ZHX3: variants seen among roughly 807,000 people sequenced by gnomAD.
ZHX3 encodes zinc fingers and homeoboxes 3, also known as zinc fingers and homeoboxes protein 3.
Under a neutral mutation model 64.5 loss-of-function variants are expected in ZHX3, and 20 were observed. The ratio of observed to expected loss-of-function variants is 0.31; its 90% CI spans 0.22 to 0.45. The LOEUF (loss-of-function observed/expected upper bound fraction) is 0.45. ZHX3 is among the 20% of genes least tolerant of loss of function. The pLI is 1.00. For synonymous variants in ZHX3, 423 were observed against 461.6 expected, an observed-to-expected ratio of 0.92 and a Z score of 1.07; for missense variants, 1,041 against 1,195.8, an observed-to-expected ratio of 0.87 and a Z score of 1.91.
intron 1 of ZHX3, among the ~76,000 whole-genome samples, chr20:41,270,480 C>T (rs2043085670): frequency 6.6e-6 from 1 of 151,818 alleles, no homozygotes; most frequent in Non-Finnish European, 1.5e-5. Context: ...GCGAGACCAT[C>T]CTGGCTAACA....
chr20:41,190,005 G>GTT (rs549779026), intron 3 of ZHX3, among the ~76,000 whole-genome samples: 83 of 147,742 alleles, frequency 5.6e-4, no homozygotes, highest in Middle Eastern at 6.9e-3. Flanking sequence ...TTTTCTGAGT[G>GTT]TTTTTTTTTT....
chr20:41,293,674 G>A (rs1390576810), intron 1 of ZHX3, among the ~76,000 whole-genome samples: 1 of 152,198 alleles, frequency 6.6e-6, no homozygotes, highest in African/African-American at 2.4e-5. Context: ...CACACAGTTT[G>A]GTGAGAAACA....
At chr20:41,265,204 T>G (rs1238145876) in intron 2 of ZHX3, among the ~76,000 whole-genome samples, 1 of 131,150 alleles carries the variant, frequency 7.6e-6, no homozygotes, top group African/African-American at 2.7e-5. Context: ...ACGATAAATT[T>G]TTTTTTTTTT....
chr20:41,187,507 T>G (rs1306647702), intron 3 of ZHX3, among the ~76,000 whole-genome samples: 1 of 152,184 alleles, frequency 6.6e-6, no homozygotes, highest in East Asian at 1.9e-4. Flanking sequence ...ATATCCAGTT[T>G]CCCAGCACCT....
chr20:41,185,052 C>T lies in ZHX3; in HGVS notation c.*139G>A, dbSNP rs755558236. On this transcript the variant is annotated 3_prime_UTR_variant, in exon 4 of 4. Coordinates refer to ENST00000683867, the MANE Select transcript of ZHX3 (RefSeq NM_001384317.1). This position sits in a 1 kb window ranked among gnomAD's most constrained non-coding sequence, Gnocchi z 5.0. ...GTAGCGGCAGGCTCTGGGCTGTCTG[C>T]GAGGATTCTGGAAGCTCTCCCAGGT... 41 of 1,552,268 alleles carry T rather than the reference C, an allele frequency of 2.6e-5. No homozygotes were observed. The highest frequency in any genetic ancestry group is 4.1e-5 in the African/African-American group (3 of 73,102).
At chr20:41,265,889 A>G (rs1294311212) in intron 2 of ZHX3, among the ~76,000 whole-genome samples, 1 of 152,236 alleles carries the variant, frequency 6.6e-6, no homozygotes, top group Admixed American at 6.5e-5. Flanking sequence ...CTCCTGTACA[A>G]ATGTCTCTAG....
chr20:41,211,191 A>C (rs867790875), intron 2 of ZHX3, among the ~76,000 whole-genome samples: 6 of 152,174 alleles, frequency 3.9e-5, no homozygotes, highest in Admixed American at 6.5e-5. Flanking sequence ...GAGCCCTATT[A>C]CTAATATAGA....
At chr20:41,254,241 T>A (rs2042126849) in intron 2 of ZHX3, among the ~76,000 whole-genome samples, 1 of 152,198 alleles carries the variant, frequency 6.6e-6, no homozygotes, top group African/African-American at 2.4e-5. Context: ...GTTATTCATC[T>A]ATTTGCTTAT....
At chr20:41,283,822 C>T (rs1490673805) in intron 1 of ZHX3, among the ~76,000 whole-genome samples, 1 of 152,094 alleles carries the variant, frequency 6.6e-6, no homozygotes. Context: ...GGATCACACT[C>T]TCCAGTCTCC....
chr20:41,244,646 C>T (rs896161294), intron 2 of ZHX3, among the ~76,000 whole-genome samples: 3 of 152,276 alleles, frequency 2.0e-5, no homozygotes, highest in African/African-American at 7.2e-5. Flanking sequence ...TCTAGACCCA[C>T]GCAGCTTGGA....
At chr20:41,191,832 T>A (rs533165809) in intron 3 of ZHX3, among the ~76,000 whole-genome samples, 75 of 152,260 alleles carry the variant, frequency 4.9e-4, no homozygotes, top group East Asian at 4.8e-3. Context: ...TATGGTAAAA[T>A]TTTGCTAAGG....
intron 1 of ZHX3, among the ~76,000 whole-genome samples, chr20:41,304,492 T>C (rs2044916306): frequency 1.3e-5 from 2 of 152,222 alleles, no homozygotes; most frequent in Admixed American, 1.3e-4. Context: ...ATTCCTCTTC[T>C]TACTGCATCC....
intron 2 of ZHX3, among the ~76,000 whole-genome samples, chr20:41,205,366 G>A (rs1169686923): frequency 1.3e-5 from 2 of 152,080 alleles, no homozygotes; most frequent in Non-Finnish European, 1.5e-5. Flanking sequence ...AAAACAAAAC[G>A]CCCTCTTTTT....
At chr20:41,213,356 T>A (rs2039299286) in intron 2 of ZHX3, among the ~76,000 whole-genome samples, 1 of 152,134 alleles carries the variant, frequency 6.6e-6, no homozygotes, top group Non-Finnish European at 1.5e-5. Context: ...ATTATAGCAC[T>A]CAGTTCTATA....
At chr20:41,187,941 G>A (rs1201889944) in intron 3 of ZHX3, among the ~76,000 whole-genome samples, 1 of 152,056 alleles carries the variant, frequency 6.6e-6, no homozygotes, top group African/African-American at 2.4e-5. Flanking sequence ...CTCTATTCTA[G>A]CTACTTTGAA....
chr20:41,246,213 T>C (rs2041678252), intron 2 of ZHX3, among the ~76,000 whole-genome samples: 1 of 152,238 alleles, frequency 6.6e-6, no homozygotes, highest in African/African-American at 2.4e-5. Context: ...AGTAAGCCTC[T>C]TCTTCAGATA....
At chr20:41,289,853 T>C (rs2044139876) in intron 1 of ZHX3, among the ~76,000 whole-genome samples, 1 of 152,042 alleles carries the variant, frequency 6.6e-6, no homozygotes, top group Non-Finnish European at 1.5e-5. Context: ...AATAAAAGAT[T>C]GCTGAAAACA....
chr20:41,241,774 T>C (rs746458096), intron 2 of ZHX3, among the ~76,000 whole-genome samples: 4 of 152,222 alleles, frequency 2.6e-5, no homozygotes, highest in Non-Finnish European at 4.4e-5. Flanking sequence ...TTTTCTCTAT[T>C]TCTGTGAAGA....
At chr20:41,263,875 A>T (rs2146581985) in intron 2 of ZHX3, among the ~76,000 whole-genome samples, 1 of 152,304 alleles carries the variant, frequency 6.6e-6, no homozygotes, top group Admixed American at 6.5e-5. Context: ...TGTATTTTTT[A>T]AAGTTTTATA....
Sources: gnomAD v4.1 joint callset for allele counts (sites outside exome capture counted in the v4.1 genomes callset) on GRCh38, gnomAD v4.1.1 for gene constraint, Gnocchi (gnomAD v3.1) non-coding constraint, MANE v1.5 for transcripts, NCBI Gene and HGNC (gene_info 2026-07-23, HGNC 2026-07-21) for gene names.